The following EZH2 variants were observed in gnomAD, a reference collection of about 807,000 sequenced individuals.
EZH2 encodes enhancer of zeste 2 polycomb repressive complex 2 subunit, also known as histone-lysine N-methyltransferase EZH2.
EZH2 carries 18 observed loss-of-function variants against 98.4 expected under a neutral mutation model. The ratio of observed to expected loss-of-function variants is 0.18; its 90% CI spans 0.13 to 0.27. The LOEUF is 0.27. Ranked by LOEUF, EZH2 falls within the 10% of genes least tolerant of loss-of-function variation. The probability of loss-of-function intolerance (pLI) is 1.00; values close to 1 mark genes in which losing one functional copy is unlikely to be tolerated. For synonymous variants in EZH2, 338 were observed against 312.3 expected, an observed-to-expected ratio of 1.08 and a Z score of -0.87; for missense variants, 470 against 935.1, an observed-to-expected ratio of 0.50 and a Z score of 6.49.
At chr7:148,807,814 TAAAAAAAAAA>T (rs35866517) in intron 19 of EZH2, 108 bp from the exon 20 acceptor site, 9 of 400,238 alleles carry the variant, frequency 2.2e-5, no homozygotes, top group South Asian at 3.9e-5. Context: ...AAAATGTCTT[TAAAAAAAAAA>T]AAAAAAAAAA....
chr7:148,867,998 C>T (rs186517229), intron 1 of EZH2, among the ~76,000 whole-genome samples: 46 of 152,346 alleles, frequency 3.0e-4, no homozygotes, highest in Admixed American at 2.7e-3. Context: ...TCATCTGAGA[C>T]TTCATCAGCC....
chr7:148,817,935 C>A lies in EZH2; in HGVS notation c.1182G>T (p.Gly394=). 6.2e-7 allele frequency: 1 copy of A among 1,614,168 alleles called. No homozygotes were observed. Among genetic ancestry groups the A allele is most frequent in the Non-Finnish European group, 8.5e-7 (1 of 1,180,026 alleles). ...CTTCTTCTTTATCATTGTTCTCTCC[C>A]CCCGTTTCAGTCCCTGCTTCCCTAT... ...DSDREAGTET[G]GENNDKEEEE... The change falls in exon 10 of 20, where the codon GGG becomes GGT. Residue 394 remains glycine (G), a synonymous_variant. Coordinates refer to ENST00000320356, the MANE Select transcript of EZH2 (RefSeq NM_004456.5).
chr7:148,841,013 A>G (rs1049288591), intron 3 of EZH2, among the ~76,000 whole-genome samples: 1 of 152,166 alleles, frequency 6.6e-6, no homozygotes, highest in African/African-American at 2.4e-5. Flanking sequence ...TCTAGGAGAA[A>G]AACTACAAAT....
intron 1 of EZH2, among the ~76,000 whole-genome samples, chr7:148,854,897 G>T (rs1387581676): frequency 1.3e-5 from 2 of 152,106 alleles, no homozygotes; most frequent in African/African-American, 2.4e-5. Flanking sequence ...TTGTAGGTAA[G>T]GATAAGAAAA....
At chr7:148,830,582 A>G (rs944267345) in intron 4 of EZH2, among the ~76,000 whole-genome samples, 4 of 152,214 alleles carry the variant, frequency 2.6e-5, no homozygotes, top group Non-Finnish European at 5.9e-5. Context: ...TGCCAAAAGG[A>G]TATGTACTTA....
intron 1 of EZH2, chr7:148,850,537 T>G (rs550055172): frequency 1.6e-6 from 1 of 606,162 alleles, no homozygotes; most frequent in African/African-American, 2.0e-5. Flanking sequence ...TGTGAAAGAA[T>G]ATTAAAATTT....
chr7:148,819,614 T>C lies in EZH2; in HGVS notation c.981A>G (p.Pro327=). ...ETALDNKPCG[P]QCYQHLEGAK... is the part of the protein sequence containing the mutation. ...GTCTTACCAAATGCTGGTAACACTG[T>C]GGTCCACAAGGTTTGTTGTCTAGAG... Residue 327 remains proline, a synonymous_variant, in exon 9 of 20, where the codon CCA becomes CCG. Coordinates refer to ENST00000320356, the MANE Select transcript of EZH2 (RefSeq NM_004456.5). 3 of 1,614,100 alleles carry C rather than the reference T, an allele frequency of 1.9e-6. No individual in the cohort carries two copies. Among genetic ancestry groups the C allele is most frequent in the Non-Finnish European group, 2.5e-6 (3 of 1,179,940 alleles).
At chr7:148,880,939 A>G (rs558260724) in intron 1 of EZH2, among the ~76,000 whole-genome samples, 1 of 152,228 alleles carries the variant, frequency 6.6e-6, no homozygotes, top group Non-Finnish European at 1.5e-5. Flanking sequence ...CTACAATAAA[A>G]TATGATAAAA....
Position 148,815,023 on chromosome 7 carries a change from A to G in EZH2, c.1563T>C (p.His521=). 1 of 1,614,030 alleles carries G rather than the reference A, an allele frequency of 6.2e-7. No individual in the cohort carries two copies. Among genetic ancestry groups the G allele is most frequent in the Non-Finnish European group, 8.5e-7 (1 of 1,179,936 alleles). ...GATCACAGGGTTGATAGTTGTAAACATGGTTAGAGGAGCCGTCTGAGTAAA... is the reference window on the plus strand; with the variant it reads ...GATCACAGGGTTGATAGTTGTAAACGTGGTTAGAGGAGCCGTCTGAGTAAA... The part of the protein sequence containing the change: ...IQLKKDGSSN[H]VYNYQPCDHP... Residue 521 remains histidine (H), a synonymous_variant, in exon 14 of 20, where the codon CAT becomes CAC. Transcript: ENST00000320356.
intron 15 of EZH2, among the ~76,000 whole-genome samples, chr7:148,813,052 TACACACACACACACACACAC>T (rs142835355): frequency 8.3e-5 from 11 of 132,108 alleles, no homozygotes; most frequent in African/African-American, 3.5e-4. Context: ...ACACCCCACA[TACACACACACACACACACAC>T]ACACACACAC....
At chr7:148,820,234 A>C (rs1283510822) in intron 8 of EZH2, among the ~76,000 whole-genome samples, 1 of 152,166 alleles carries the variant, frequency 6.6e-6, no homozygotes, top group African/African-American at 2.4e-5. Flanking sequence ...TGCCACAGAA[A>C]ATTACAATGT....
chr7:148,807,787 A>AAGAT (rs1409782372), intron 19 of EZH2, 81 bp from the exon 20 acceptor site: 3 of 748,622 alleles, frequency 4.0e-6, no homozygotes, highest in African/African-American at 3.6e-5. Flanking sequence ...AAGCCTGCTG[A>AAGAT]AGATAGTGGG....
At chr7:148,868,173 G>T (rs576601128) in intron 1 of EZH2, among the ~76,000 whole-genome samples, 18 of 152,268 alleles carry the variant, frequency 1.2e-4, no homozygotes, top group South Asian at 2.1e-4. Flanking sequence ...ACATTTTCAG[G>T]TATCTTTATT....
At chr7:148,856,499 G>T (rs1014568326) in intron 1 of EZH2, among the ~76,000 whole-genome samples, 1 of 152,216 alleles carries the variant, frequency 6.6e-6, no homozygotes, top group Admixed American at 6.5e-5. Flanking sequence ...TGGAAGCAGT[G>T]ACACCCCAGG....
At chr7:148,821,683 A>C (rs563381370) in intron 8 of EZH2, among the ~76,000 whole-genome samples, 1 of 152,306 alleles carries the variant, frequency 6.6e-6, no homozygotes, top group South Asian at 2.1e-4. Flanking sequence ...AAAACTAACC[A>C]GCAATGGTGG....
In EZH2 at chr7:148,872,596, T is replaced by C. The variant is rs562574411; in HGVS notation, c.-8+11568A>G. On this transcript the variant is annotated intron_variant, in intron 1 of 19. Coordinates refer to ENST00000320356, the MANE Select transcript of EZH2 (RefSeq NM_004456.5). ...TAATTAGTTCTATTATGTGCAAGCA[T>C]ATCGTAGGAACTCATGTATCTACAA... Among the ~76,000 whole-genome samples the C allele has an allele frequency of 4.1e-4, 63 of 152,366 alleles. 2 individuals carry two copies. The South Asian group carries it at 0.012, about 29-fold the overall frequency.
chr7:148,837,079 T>C (rs752242316), intron 3 of EZH2: 1 of 432,640 alleles, frequency 2.3e-6, no homozygotes, highest in South Asian at 1.8e-5. Context: ...AGTTAGCTTC[T>C]TTAAATTTCA....
chr7:148,820,270 C>A (rs896166287), intron 8 of EZH2, among the ~76,000 whole-genome samples: 2 of 152,138 alleles, frequency 1.3e-5, no homozygotes, highest in Admixed American at 6.5e-5. Context: ...TAGAAAGATA[C>A]ACTGTTTGAA....
intron 1 of EZH2, among the ~76,000 whole-genome samples, chr7:148,869,665 T>C (rs968744374): frequency 1.3e-5 from 2 of 152,238 alleles, no homozygotes; most frequent in Non-Finnish European, 2.9e-5. Context: ...AAGGGCCCAC[T>C]ACCTGAGGGA....
Sources: allele counts gnomAD v4.1 joint callset (sites outside exome capture counted in the v4.1 genomes callset), GRCh38; gene constraint gnomAD v4.1.1; transcripts MANE v1.5; gene names NCBI Gene and HGNC (gene_info 2026-07-23, HGNC 2026-07-21).